Variants in GPC6 observed in about 807,000 individuals in gnomAD.
GPC6 encodes the protein glypican-6.
Under a neutral mutation model 55.2 loss-of-function variants are expected in GPC6, and 14 were observed. The observed-to-expected ratio is 0.25, with a 90% confidence interval of 0.17 to 0.40. GPC6 has a LOEUF of 0.40. Ranked by LOEUF, GPC6 falls within the 10% of genes least tolerant of loss-of-function variation. The pLI is 1.00. For synonymous variants in GPC6, 278 were observed against 259.6 expected, an observed-to-expected ratio of 1.07 and a Z score of -0.68; for missense variants, 641 against 708.5, an observed-to-expected ratio of 0.90 and a Z score of 1.08.
chr13:93,294,504 G>A (rs910524951), intron 1 of GPC6, among the ~76,000 whole-genome samples: 1 of 151,844 alleles, frequency 6.6e-6, no homozygotes, highest in African/African-American at 2.4e-5. Flanking sequence ...GGAAGTAGTT[G>A]ATTTGGTGCC....
At chr13:93,522,064 AG>A (rs1199135101) in intron 1 of GPC6, among the ~76,000 whole-genome samples, 1 of 151,982 alleles carries the variant, frequency 6.6e-6, no homozygotes, top group African/African-American at 2.4e-5. Context: ...TTTAGATAAA[AG>A]TGTGACAGAC....
At position 93,227,596 on chromosome 13, in the gene GPC6, T is replaced by C. The variant is rs372191991; in HGVS notation, c.140T>C (p.Ile47Thr). The change falls in exon 1 of 9, where the codon ATC (isoleucine) becomes ACC (threonine). Residue 47 changes from isoleucine to threonine, a missense_variant. By Grantham distance (89) the Ile-to-Thr change is moderately conservative. Transcript: ENST00000377047. The surrounding 1 kb of genome is among the most constrained non-coding windows in gnomAD (Gnocchi z 4.3). ...YGAKGFSLADIPYQEIAGEHL... is the reference protein window; with the variant it reads ...YGAKGFSLADTPYQEIAGEHL... ...GCCAAGGGATTCAGCCTGGCGGACA[T>C]CCCCTACCAGGAGATCGCAGGTAAG... 1.2e-6 allele frequency: 2 copies of C among 1,607,756 alleles called. No homozygotes were observed. The highest frequency in any genetic ancestry group is 1.7e-6 in the Non-Finnish European group (2 of 1,178,320).
intron 1 of GPC6, among the ~76,000 whole-genome samples, chr13:93,405,319 A>G (rs111548902): frequency 1.1e-4 from 17 of 152,270 alleles, no homozygotes; most frequent in African/African-American, 3.9e-4. Context: ...AGTGCACACA[A>G]GGTATGGGAT....
At chr13:93,545,551 A>C in intron 2 of GPC6, 130 bp downstream of exon 2, 1 of 791,212 alleles carries the variant, frequency 1.3e-6, no homozygotes, top group Non-Finnish European at 2.1e-6. Context: ...AGCATTGTCT[A>C]TTTTTAGAAA....
At chr13:94,128,526 A>G (rs1402238059) in intron 4 of GPC6, among the ~76,000 whole-genome samples, 2 of 152,170 alleles carry the variant, frequency 1.3e-5, no homozygotes, top group Non-Finnish European at 1.5e-5. Context: ...CCTAGGTGAC[A>G]TAGCAGTTGC....
chr13:94,257,013 A>G (rs1185340512), intron 4 of GPC6, among the ~76,000 whole-genome samples: 1 of 152,186 alleles, frequency 6.6e-6, no homozygotes, highest in Non-Finnish European at 1.5e-5. Context: ...TCTGATCTGA[A>G]AGAACTCAAG....
intron 2 of GPC6, among the ~76,000 whole-genome samples, chr13:93,565,507 A>G (rs1396098829): frequency 6.6e-6 from 1 of 152,208 alleles, no homozygotes; most frequent in Non-Finnish European, 1.5e-5. Context: ...TTTCTTCATT[A>G]GGAAGTGTCT....
At chr13:94,006,698 C>A (rs546792116) in intron 3 of GPC6, among the ~76,000 whole-genome samples, 2 of 152,186 alleles carry the variant, frequency 1.3e-5, no homozygotes, top group South Asian at 4.1e-4. Context: ...ATTTTCTAGG[C>A]GCCACCAACT....
chr13:93,802,966 A>G (rs776052562), intron 2 of GPC6, among the ~76,000 whole-genome samples: 2 of 152,162 alleles, frequency 1.3e-5, no homozygotes, highest in Non-Finnish European at 2.9e-5. Context: ...GTCTGAAAAC[A>G]TGTTATTTTT....
At chr13:93,397,505 C>T (rs1037132854) in intron 1 of GPC6, among the ~76,000 whole-genome samples, 2 of 152,134 alleles carry the variant, frequency 1.3e-5, no homozygotes, top group Admixed American at 1.3e-4. Context: ...GGGTTGTTTA[C>T]TTTTAAGGAA....
At chr13:93,659,431 T>A (rs534232968) in intron 2 of GPC6, among the ~76,000 whole-genome samples, 1 of 152,106 alleles carries the variant, frequency 6.6e-6, no homozygotes, top group African/African-American at 2.4e-5. Flanking sequence ...CCAAAAGTCA[T>A]GAGTCCCAGG....
chr13:93,830,524 A>AGTT lies in GPC6; in HGVS notation c.692_694dup (p.Val231dup). ...TCCAGGGGCTGACTGTGGGCAGAGA[A>AGTT]GTTGCAAACCGAGTTTCCAAGGTAA... On this transcript the variant is annotated inframe_insertion, in exon 3 of 9. Coordinates refer to ENST00000377047, the MANE Select transcript of GPC6 (RefSeq NM_005708.5). The AGTT allele has an allele frequency of 6.2e-7, 1 of 1,611,104 alleles. No individual in the cohort carries two copies.
intron 4 of GPC6, among the ~76,000 whole-genome samples, chr13:94,188,756 CACACCCCA>C (rs1889287207): frequency 2.0e-5 from 3 of 152,034 alleles, no homozygotes; most frequent in Admixed American, 6.6e-5. Context: ...GCACTTGCAC[CACACCCCA>C]TCCCATAGCT....
chr13:93,534,876 T>C (rs1334997923), intron 1 of GPC6, among the ~76,000 whole-genome samples: 1 of 152,142 alleles, frequency 6.6e-6, no homozygotes, highest in Non-Finnish European at 1.5e-5. Flanking sequence ...AAGAGCTCTG[T>C]AAAAAGGTGG....
At chr13:94,143,226 G>A (rs1367906963) in intron 4 of GPC6, among the ~76,000 whole-genome samples, 1 of 151,966 alleles carries the variant, frequency 6.6e-6, no homozygotes, top group Non-Finnish European at 1.5e-5. Context: ...AGGTGAGATT[G>A]TCTCCCTTTG....
chr13:93,734,571 A>G (rs1191673542), intron 2 of GPC6, among the ~76,000 whole-genome samples: 2 of 152,172 alleles, frequency 1.3e-5, no homozygotes, highest in Non-Finnish European at 2.9e-5. Context: ...TCCAAGTAGA[A>G]TCTAGGTTTA....
intron 2 of GPC6, among the ~76,000 whole-genome samples, chr13:93,561,255 A>G (rs568535194): frequency 6.6e-6 from 1 of 152,058 alleles, no homozygotes; most frequent in South Asian, 2.1e-4. Flanking sequence ...TTAAAGACTA[A>G]TTAATTTCTT....
intron 1 of GPC6, among the ~76,000 whole-genome samples, chr13:93,451,135 G>T (rs886537973): frequency 1.3e-5 from 2 of 152,210 alleles, no homozygotes; most frequent in African/African-American, 4.8e-5. Flanking sequence ...GGGCAACTGG[G>T]TATATCATTG....
At chr13:94,053,735 A>G (rs1884035930) in intron 4 of GPC6, among the ~76,000 whole-genome samples, 1 of 152,152 alleles carries the variant, frequency 6.6e-6, no homozygotes, top group South Asian at 2.1e-4. Context: ...ATACTTAGGG[A>G]AACAATTAGA....
Sources: allele counts gnomAD v4.1 joint callset (sites outside exome capture counted in the v4.1 genomes callset), GRCh38; gene constraint gnomAD v4.1.1; non-coding constraint Gnocchi (gnomAD v3.1); transcripts MANE v1.5; gene names NCBI Gene and HGNC (gene_info 2026-07-23, HGNC 2026-07-21).